The following ADGRB3 variants were observed in gnomAD, a reference collection of about 807,000 sequenced individuals.
ADGRB3 encodes the protein adhesion G protein-coupled receptor B3.
A neutral mutation model predicts 193.4 loss-of-function variants in ADGRB3; 37 were observed. The ratio of observed to expected loss-of-function variants is 0.19; its 90% CI spans 0.15 to 0.25. The LOEUF (loss-of-function observed/expected upper bound fraction) is 0.25, where lower values mean the gene tolerates loss of function less well. Ranked by LOEUF, ADGRB3 falls within the 10% of genes least tolerant of loss-of-function variation. The pLI, the probability that ADGRB3 is intolerant of heterozygous loss-of-function variation, is 1.00. For missense variants in ADGRB3, 1,637 were observed against 1,852.9 expected (o/e 0.88, Z 2.14); for synonymous variants, 690 against 644.2 (o/e 1.07, Z -1.08).
chr6:69,200,022 A>C (rs984900771), intron 17 of ADGRB3, among the ~76,000 whole-genome samples: 11 of 152,126 alleles, frequency 7.2e-5, no homozygotes, highest in African/African-American at 2.7e-4. Context: ...TTGCTTTCTG[A>C]AGTAGAAGTA....
chr6:68,845,314 T>C (rs138794511), intron 3 of ADGRB3, among the ~76,000 whole-genome samples: 4 of 151,872 alleles, frequency 2.6e-5, no homozygotes, highest in Admixed American at 6.6e-5. Context: ...GAGGCAGAGA[T>C]TGGAGTGATG....
intron 3 of ADGRB3, among the ~76,000 whole-genome samples, chr6:68,726,019 G>A (rs1473248848): frequency 1.3e-5 from 2 of 151,038 alleles, no homozygotes; most frequent in African/African-American, 4.9e-5. Context: ...TTGGCAATGA[G>A]GAAGCTAATA....
chr6:68,807,339 C>T (rs147322053), intron 3 of ADGRB3, among the ~76,000 whole-genome samples: 4,233 of 147,476 alleles, frequency 0.029, 202 homozygotes, highest in African/African-American at 0.098. Context: ...GCGGGGTTCA[C>T]GCCATTCTCC....
chr6:69,180,149 C>T (rs1285675550), intron 17 of ADGRB3, among the ~76,000 whole-genome samples: 2 of 152,232 alleles, frequency 1.3e-5, no homozygotes, highest in African/African-American at 4.8e-5. Context: ...ATGGGAGCAA[C>T]CTAAACTCCT....
chr6:68,828,170 G>A (rs1156600428), intron 3 of ADGRB3, among the ~76,000 whole-genome samples: 1 of 149,288 alleles, frequency 6.7e-6, no homozygotes. Flanking sequence ...GTGGTACAAA[G>A]TAAATAATAC....
At chr6:68,701,037 A>G (rs1765235077) in intron 3 of ADGRB3, among the ~76,000 whole-genome samples, 1 of 152,198 alleles carries the variant, frequency 6.6e-6, no homozygotes. Flanking sequence ...GGAATTTCAT[A>G]GAACACATGA....
rs112043087 is a variant in ADGRB3 at position 68,801,493 on chromosome 6, G to T, written c.758-129066G>T. On this transcript the variant is annotated intron_variant, in intron 3 of 31. Coordinates refer to ENST00000370598, the MANE Select transcript of ADGRB3 (RefSeq NM_001704.3). ...ACTTGAGGTCAGGAGTTTCAGACCA[G>T]CCTGGTCAACATAGCGAAACCCCAT... is the stretch of plus-strand genomic sequence containing the variant. 9.0e-3 allele frequency among the ~76,000 whole-genome samples: 1,363 copies of T among 152,078 alleles called. 21 individuals carry two copies. The highest frequency in any genetic ancestry group is 0.029 in the African/African-American group (1,192 of 41,508).
At position 68,993,783 on chromosome 6, in the gene ADGRB3, G is replaced by A. The variant is rs763125754; in HGVS notation, c.1750G>A (p.Ala584Thr). 6.2e-7 allele frequency: 1 copy of A among 1,613,498 alleles called. No individual in the cohort carries two copies. Among genetic ancestry groups the A allele is most frequent in the Non-Finnish European group, 8.5e-7 (1 of 1,179,642 alleles). ...ACCATCACAGATTAAAGAGCACCTT[G>A]CTAAGGGGCAGCGAATGCTGGCAGG... ...HLQHSIKEHL[A>T]KGQRMLAGDG... Residue 584 changes from alanine to threonine, a missense_variant, in exon 11 of 32, where the codon GCT (alanine) becomes ACT (threonine). Transcript: ENST00000370598.
At chr6:69,004,656 A>T (rs1303658836) in intron 11 of ADGRB3, among the ~76,000 whole-genome samples, 2 of 149,494 alleles carry the variant, frequency 1.3e-5, no homozygotes, top group African/African-American at 4.9e-5. Flanking sequence ...GAGTGAGAAC[A>T]TGCGGTGTTA....
intron 6 of ADGRB3, among the ~76,000 whole-genome samples, chr6:68,947,449 C>G (rs893270746): frequency 6.6e-6 from 1 of 151,970 alleles, no homozygotes. Context: ...CCATGCAACT[C>G]TATATATACC....
At chr6:68,771,562 T>C (rs570248353) in intron 3 of ADGRB3, among the ~76,000 whole-genome samples, 30 of 152,246 alleles carry the variant, frequency 2.0e-4, no homozygotes, top group African/African-American at 6.5e-4. Flanking sequence ...CTGTGAGTCA[T>C]ACACACATTG....
intron 3 of ADGRB3, among the ~76,000 whole-genome samples, chr6:68,840,569 T>C (rs1768136043): frequency 6.6e-6 from 1 of 151,548 alleles, no homozygotes; most frequent in Admixed American, 6.6e-5. Context: ...GTGGCTGCCA[T>C]GGGGAGACTC....
At chr6:69,207,240 A>G (rs1443212926) in intron 17 of ADGRB3, among the ~76,000 whole-genome samples, 4 of 152,116 alleles carry the variant, frequency 2.6e-5, no homozygotes. Flanking sequence ...AATGGGAAGC[A>G]AAAAAATTTG....
At chr6:69,216,778 C>A (rs976140079) in intron 17 of ADGRB3, among the ~76,000 whole-genome samples, 13 of 152,194 alleles carry the variant, frequency 8.5e-5, no homozygotes, top group African/African-American at 2.9e-4. Flanking sequence ...CAGTGATTAG[C>A]TTTCAGGGAC....
Position 69,148,032 on chromosome 6 carries a change from G to A in ADGRB3, c.2480+71994G>A, listed in dbSNP as rs973553759. ...TCAGTCTATTTGTGTTTTTATAGGT[G>A]AAGTGTGTCTCTTGTAGGCAAAAGA... On this transcript the variant is annotated intron_variant, in intron 17 of 31. Coordinates refer to ENST00000370598, the MANE Select transcript of ADGRB3 (RefSeq NM_001704.3). Among the ~76,000 whole-genome samples the A allele has an allele frequency of 3.3e-5, 5 of 152,190 alleles. No individual in the cohort carries two copies. In the East Asian group the frequency reaches 7.7e-4, roughly 23 times the overall value.
intron 3 of ADGRB3, among the ~76,000 whole-genome samples, chr6:68,719,739 T>A (rs984440992): frequency 6.6e-6 from 1 of 151,724 alleles, no homozygotes; most frequent in African/African-American, 2.4e-5. Context: ...AAAACCTTTT[T>A]TTTAGTGGTC....
intron 5 of ADGRB3, among the ~76,000 whole-genome samples, chr6:68,939,939 A>T (rs1227282361): frequency 6.6e-6 from 1 of 152,192 alleles, no homozygotes; most frequent in African/African-American, 2.4e-5. Flanking sequence ...CACTTTCCAC[A>T]AAATGTGTGG....
At chr6:69,251,986 T>G (rs1269372757) in intron 20 of ADGRB3, among the ~76,000 whole-genome samples, 4 of 152,120 alleles carry the variant, frequency 2.6e-5, no homozygotes, top group Non-Finnish European at 4.4e-5. Context: ...AATATATACT[T>G]ATGTAACCAA....
Position 69,382,894 on chromosome 6 carries a change from A to G in ADGRB3, c.4339A>G (p.Thr1447Ala). 1 of 1,609,884 alleles carries G rather than the reference A, an allele frequency of 6.2e-7. No individual in the cohort carries two copies. ...TCAAGAACTAAATCAGAAATTTCAA[A>G]CTTTGGACAGATTTCGGGATATACC... ...LFQELNQKFQ[T>A]LDRFRDIPNT... The change falls in exon 31 of 32, where the codon ACT (threonine) becomes GCT (alanine). Residue 1447 changes from threonine to alanine, a missense_variant. Transcript: ENST00000370598.
Sources: gnomAD v4.1 joint callset for allele counts (sites outside exome capture counted in the v4.1 genomes callset) on GRCh38, gnomAD v4.1.1 for gene constraint, MANE v1.5 for transcripts, NCBI Gene and HGNC (gene_info 2026-07-23, HGNC 2026-07-21) for gene names.